Variants in IKZF3 observed in about 807,000 individuals in gnomAD.
IKZF3 encodes zinc finger protein Aiolos.
Under a neutral mutation model 49.0 loss-of-function variants are expected in IKZF3, and 10 were observed. The observed-to-expected ratio is 0.20, with a 90% CI of 0.13 to 0.35. The LOEUF is 0.35. IKZF3 is among the 10% of genes least tolerant of loss of function. The pLI is 1.00. For missense variants in IKZF3, 498 were observed against 664.8 expected (o/e 0.75, Z 2.76); for synonymous variants, 209 against 228.2 (o/e 0.92, Z 0.76).
chr17:39,799,081 G>A (rs1418499536), intron 3 of IKZF3, among the ~76,000 whole-genome samples: 1 of 151,716 alleles, frequency 6.6e-6, no homozygotes, highest in Non-Finnish European at 1.5e-5. Flanking sequence ...AGGTTATGTG[G>A]TTTTAAAATA....
At position 39,832,101 on chromosome 17, in the gene IKZF3, C is replaced by T. The variant is rs762032385; in HGVS notation, c.58G>A (p.Ala20Thr). 14 of 1,609,270 alleles carry T rather than the reference C, an allele frequency of 8.7e-6. No homozygotes were observed. The highest frequency in any genetic ancestry group is 5.5e-5 in the South Asian group (5 of 90,752). Residue 20 changes from alanine (A) to threonine (T), a missense_variant, in exon 2 of 8, where the codon GCA becomes ACA. Coordinates refer to ENST00000346872, the MANE Select transcript of IKZF3 (RefSeq NM_012481.5). ...LKSTQEQSVPAESAAVLNDYS... is the reference protein window; with the variant it reads ...LKSTQEQSVPTESAAVLNDYS... ...GAGAGGAAAGACCTGATGTTACCTGCGGGCACAGACTGCTCCTGAGTGCTT... is the reference window on the plus strand; with the variant it reads ...GAGAGGAAAGACCTGATGTTACCTGTGGGCACAGACTGCTCCTGAGTGCTT...
chr17:39,773,016 A>G lies in IKZF3; in HGVS notation c.826+4635T>C, dbSNP rs376165506. On this transcript the variant is annotated intron_variant, in intron 7 of 7. Coordinates refer to ENST00000346872, the MANE Select transcript of IKZF3 (RefSeq NM_012481.5). ...TTTTTAGTAGAGATAGGGTTTCACC[A>G]TATTGGCCCGGCTGGTCTTGAACTC... Among the ~76,000 whole-genome samples the G allele has an allele frequency of 2.7e-3, 410 of 152,250 alleles. 6 individuals carry two copies. The highest frequency in any genetic ancestry group is 9.4e-3 in the African/African-American group (392 of 41,536).
intron 5 of IKZF3, among the ~76,000 whole-genome samples, chr17:39,789,264 T>C (rs1439347947): frequency 6.6e-6 from 1 of 152,166 alleles, no homozygotes; most frequent in Non-Finnish European, 1.5e-5. Flanking sequence ...ACCCCATCTC[T>C]ACTAAAAATA....
chr17:39,843,287 T>A (rs2062532199), intron 1 of IKZF3, among the ~76,000 whole-genome samples: 1 of 152,160 alleles, frequency 6.6e-6, no homozygotes, highest in African/African-American at 2.4e-5. Context: ...AGGACAGGGA[T>A]AGAGCACCGT....
At chr17:39,774,128 C>T (rs73302117) in intron 7 of IKZF3, among the ~76,000 whole-genome samples, 1,785 of 152,192 alleles carry the variant, frequency 0.012, 38 homozygotes, top group African/African-American at 0.041. Context: ...TGGTAATTAT[C>T]GCCAGCCCGC....
intron 1 of IKZF3, among the ~76,000 whole-genome samples, chr17:39,862,898 T>A (rs898079346): frequency 1.3e-5 from 2 of 152,206 alleles, no homozygotes; most frequent in African/African-American, 4.8e-5. Context: ...TTAACATTTA[T>A]AGAGAAATAC....
intron 1 of IKZF3, among the ~76,000 whole-genome samples, chr17:39,848,258 T>G (rs2062691461): frequency 6.6e-6 from 1 of 152,198 alleles, no homozygotes; most frequent in African/African-American, 2.4e-5. Context: ...ATGAGGAAAC[T>G]GTAGACCGTG....
At chr17:39,777,800 A>C (rs190568282) in intron 6 of IKZF3, 33 bp from the exon 7 acceptor site, 1 of 1,601,468 alleles carries the variant, frequency 6.2e-7, no homozygotes, top group Admixed American at 1.7e-5. Flanking sequence ...GAAGAGAGAA[A>C]AGAACACATT....
rs1324445516 is a variant in IKZF3 at position 39,763,144 on chromosome 17, A to G, written c.*2646T>C. 1.3e-5 allele frequency: 2 copies of G among 152,242 alleles called. No individual in the cohort carries two copies. The highest frequency in any genetic ancestry group is 2.9e-5 in the Non-Finnish European group (2 of 68,040). 9.4% of individuals were successfully genotyped at this position (152,242 alleles called of 1,614,324 possible). A position where few individuals can be genotyped will look rare whatever the true frequency, so the allele number is the denominator to read the frequency against. On this transcript the variant is annotated 3_prime_UTR_variant, in exon 8 of 8. Coordinates refer to ENST00000346872, the MANE Select transcript of IKZF3 (RefSeq NM_012481.5). ...GAAATACAGTGATATACTGAAGACT[A>G]CACACCAAAATACATCCATTCCTTT... is the stretch of plus-strand genomic sequence containing the variant.
rs189418921 is a variant in IKZF3, at chr17:39,780,125, G to A, written c.710-2358C>T. ...AGACTGAGGTGGGAGGGTTCCTTGA[G>A]CCCAGGGGTTTGAGGTTACGGTGAA... On this transcript the variant is annotated intron_variant, in intron 6 of 7. Transcript: ENST00000346872. 6.1e-3 allele frequency among the ~76,000 whole-genome samples: 922 copies of A among 152,038 alleles called. 5 individuals carry two copies. The highest frequency in any genetic ancestry group is 0.01 in the Non-Finnish European group (692 of 67,978).
Position 39,765,731 on chromosome 17 carries a change from G to T in IKZF3, c.*59C>A. ...GTTTTGAGAGCAATCTGTTAGGCGA[G>T]GTCATTGGTTTTTAGAAACGATGCT... On this transcript the variant is annotated 3_prime_UTR_variant, in exon 8 of 8. Coordinates refer to ENST00000346872, the MANE Select transcript of IKZF3 (RefSeq NM_012481.5). The T allele has an allele frequency of 1.5e-6, 2 of 1,295,460 alleles. No homozygotes were observed. Among genetic ancestry groups the T allele is most frequent in the South Asian group, 1.4e-5 (1 of 72,612 alleles). The allele number at this position is 1,295,460 out of a possible 1,614,324, so 80.2% of individuals were successfully genotyped here.
chr17:39,784,645 G>A (rs988993997), intron 6 of IKZF3, among the ~76,000 whole-genome samples: 10 of 152,104 alleles, frequency 6.6e-5, no homozygotes, highest in African/African-American at 1.7e-4. Context: ...CTTGTGATCC[G>A]CCCGCCTCGG....
chr17:39,831,027 C>G (rs948306185), intron 2 of IKZF3, among the ~76,000 whole-genome samples: 2 of 152,158 alleles, frequency 1.3e-5, no homozygotes, highest in African/African-American at 4.8e-5. Flanking sequence ...TTTTCTCAAG[C>G]CTGAAATGAC....
intron 3 of IKZF3, among the ~76,000 whole-genome samples, chr17:39,812,713 G>A (rs1395085307): frequency 3.3e-5 from 5 of 152,194 alleles, no homozygotes; most frequent in African/African-American, 1.2e-4. Flanking sequence ...AAGAAAAGCT[G>A]CTATGAAAGT....
chr17:39,832,813 T>C (rs1269927306), intron 1 of IKZF3, among the ~76,000 whole-genome samples: 1 of 151,954 alleles, frequency 6.6e-6, no homozygotes, highest in African/African-American at 2.4e-5. Context: ...GACAGCAGAG[T>C]AGGGTGACTA....
intron 3 of IKZF3, among the ~76,000 whole-genome samples, chr17:39,814,276 TG>T (rs1239913396): frequency 6.6e-6 from 1 of 152,178 alleles, no homozygotes; most frequent in Non-Finnish European, 1.5e-5. Context: ...CTTTCAAAAG[TG>T]ATCAAATTCA....
intron 3 of IKZF3, among the ~76,000 whole-genome samples, chr17:39,827,679 T>C (rs939675619): frequency 5.3e-5 from 8 of 152,166 alleles, no homozygotes; most frequent in African/African-American, 1.9e-4. Flanking sequence ...TATACACAAA[T>C]GGTCAGTACC....
intron 1 of IKZF3, among the ~76,000 whole-genome samples, chr17:39,845,839 AGCACTT>A (rs2062614276): frequency 6.6e-6 from 1 of 152,248 alleles, no homozygotes; most frequent in African/African-American, 2.4e-5. Context: ...TTTCATACAA[AGCACTT>A]TACAAATGTC....
chr17:39,797,633 G>C (rs1185330616), intron 3 of IKZF3, among the ~76,000 whole-genome samples: 6 of 152,000 alleles, frequency 3.9e-5, no homozygotes. Flanking sequence ...ATGTTGGCCA[G>C]GCTGGTCTCG....
Sources: gnomAD v4.1 joint callset for allele counts (sites outside exome capture counted in the v4.1 genomes callset) on GRCh38, gnomAD v4.1.1 for gene constraint, MANE v1.5 for transcripts, NCBI Gene and HGNC (gene_info 2026-07-23, HGNC 2026-07-21) for gene names.